The following PSD3 variants were observed in gnomAD, a reference collection of about 807,000 sequenced individuals.
PSD3 encodes the protein PH and SEC7 domain-containing protein 3.
PSD3 carries 49 observed loss-of-function variants against 105.5 expected under a neutral mutation model. The ratio of observed to expected loss-of-function variants is 0.46; its 90% CI spans 0.37 to 0.59. The LOEUF is 0.59. Among genes scored for constraint, PSD3 ranks in the 20% least tolerant of loss-of-function variants. PSD3 has a pLI of 0.00. For missense variants in PSD3, 1,561 were observed against 1,263.8 expected, an observed-to-expected ratio of 1.24 and a Z score of -3.57; for synonymous variants, 557 against 457.8, an observed-to-expected ratio of 1.22 and a Z score of -2.77.
At chr8:18,714,698 C>T (rs1036574013) in intron 9 of PSD3, among the ~76,000 whole-genome samples, 2 of 152,212 alleles carry the variant, frequency 1.3e-5, no homozygotes, top group South Asian at 4.1e-4. Context: ...TAAGTTGGTT[C>T]AACCATTGTA....
At chr8:18,673,881 C>A (rs1305253657) in intron 9 of PSD3, among the ~76,000 whole-genome samples, 2 of 152,074 alleles carry the variant, frequency 1.3e-5, no homozygotes, top group Non-Finnish European at 2.9e-5. Context: ...CTGGCTCATA[C>A]CTGTAATCCC....
chr8:18,910,019 A>G (rs1820101136), intron 2 of PSD3, among the ~76,000 whole-genome samples: 1 of 152,202 alleles, frequency 6.6e-6, no homozygotes, highest in Non-Finnish European at 1.5e-5. Flanking sequence ...CAGCAGCCTG[A>G]GACACAGAGG....
Position 18,804,880 on chromosome 8 carries a change from T to C in PSD3, c.1653A>G (p.Thr551=), listed in dbSNP as rs1472513656. 15 of 1,611,242 alleles carry C rather than the reference T, an allele frequency of 9.3e-6. No individual in the cohort carries two copies. Among genetic ancestry groups the C allele is most frequent in the Non-Finnish European group, 1.2e-5 (14 of 1,177,782 alleles). ...TTTCAGAATGAGCTTCTAGCCGTGT[T>C]GTTTTCACCCCAGCATTGCTATGAT... The part of the protein sequence containing the change: ...AFWGSNAGVK[T]TRLEAHSEMG... Residue 551 remains threonine (T), a synonymous_variant, in exon 5 of 16, where the codon ACA becomes ACG. Coordinates refer to ENST00000327040, the MANE Select transcript of PSD3 (RefSeq NM_015310.4).
chr8:18,807,118 C>A (rs899278046), intron 4 of PSD3, among the ~76,000 whole-genome samples: 1 of 152,146 alleles, frequency 6.6e-6, no homozygotes, highest in African/African-American at 2.4e-5. Flanking sequence ...TGACAAAAAC[C>A]ATTGTAGTAA....
intron 1 of PSD3, among the ~76,000 whole-genome samples, chr8:18,963,919 G>A (rs1017768540): frequency 2.0e-5 from 3 of 152,124 alleles, no homozygotes; most frequent in Non-Finnish European, 4.4e-5. Flanking sequence ...GTCTCTCTGT[G>A]AATGATGGTG....
chr8:19,038,262 C>T lies in PSD3; in HGVS notation c.324+45944G>A, dbSNP rs1233501709. 2.6e-5 allele frequency among the ~76,000 whole-genome samples: 4 copies of T among 152,172 alleles called. No individual in the cohort carries two copies. The East Asian group carries it at 5.8e-4, about 22-fold the overall frequency. ...TCAAACTTTCCAGAGCTCCTCTCAT[C>T]CCCATAATCTGTTTTATGTTCCTCT... On this transcript the variant is annotated intron_variant, in intron 1 of 1. Coordinates refer to the PSD3 transcript ENST00000521475.
intron 11 of PSD3, among the ~76,000 whole-genome samples, chr8:18,628,741 A>G (rs545667388): frequency 1.3e-5 from 2 of 152,104 alleles, no homozygotes; most frequent in Non-Finnish European, 2.9e-5. Context: ...AAGCAGTACA[A>G]TTTGAAGGTG....
intron 1 of PSD3, among the ~76,000 whole-genome samples, chr8:19,080,936 T>C (rs1829624389): frequency 6.6e-6 from 1 of 152,172 alleles, no homozygotes; most frequent in South Asian, 2.1e-4. Flanking sequence ...AAATTTAAGA[T>C]GTGGAAATGT....
At chr8:19,021,252 T>C (rs1827352612) in intron 1 of PSD3, among the ~76,000 whole-genome samples, 1 of 152,222 alleles carries the variant, frequency 6.6e-6, no homozygotes, top group Non-Finnish European at 1.5e-5. Context: ...TTCTACAGTT[T>C]TCAATCAGCA....
chr8:18,858,393 C>T lies in PSD3; in HGVS notation c.1634+9281G>A, dbSNP rs145981042. Among the ~76,000 whole-genome samples the T allele has an allele frequency of 4.2e-3, 639 of 152,290 alleles. 10 individuals carry two copies. The highest frequency in any genetic ancestry group is 0.015 in the African/African-American group (616 of 41,548). On this transcript the variant is annotated intron_variant, in intron 4 of 15. Coordinates refer to ENST00000327040, the MANE Select transcript of PSD3 (RefSeq NM_015310.4). ...GAAGGACTTGCCTCAATGTTGATGG[C>T]TGCTGACTGATCAGGGTGGTGGTTG...
chr8:18,867,940 G>A lies in PSD3; in HGVS notation c.1368C>T (p.Tyr456=). The A allele has an allele frequency of 6.2e-7, 1 of 1,614,182 alleles. No homozygotes were observed. The highest frequency in any genetic ancestry group is 8.5e-7 in the Non-Finnish European group (1 of 1,180,032). ...ATAATGTCTCCAGGGACTCTGCACT[G>A]TAGTATAAAGAAGTGTTGTCCAAAA... is the stretch of plus-strand genomic sequence containing the variant. ...ETILDNTSLY[Y]SAESLETLYS... The change falls in exon 4 of 16, where the codon TAC becomes TAT. Residue 456 remains tyrosine (Y), a synonymous_variant. Transcript: ENST00000327040.
intron 4 of PSD3, among the ~76,000 whole-genome samples, chr8:18,820,815 G>C (rs903606873): frequency 3.3e-5 from 5 of 152,116 alleles, no homozygotes; most frequent in African/African-American, 7.2e-5. Flanking sequence ...CCAGGCTGGA[G>C]TGCAGTGGCG....
intron 1 of PSD3, among the ~76,000 whole-genome samples, chr8:19,010,229 G>T (rs1257008122): frequency 6.6e-6 from 1 of 152,096 alleles, no homozygotes; most frequent in Non-Finnish European, 1.5e-5. Flanking sequence ...AGAGCGGGCG[G>T]ATCCCTCACA....
At chr8:18,958,059 G>T (rs1161529870) in intron 1 of PSD3, among the ~76,000 whole-genome samples, 1 of 152,052 alleles carries the variant, frequency 6.6e-6, no homozygotes, top group Non-Finnish European at 1.5e-5. Flanking sequence ...TACCAAAGAG[G>T]AAGGTACAAT....
intron 4 of PSD3, among the ~76,000 whole-genome samples, chr8:18,862,777 T>A (rs956322803): frequency 6.6e-6 from 1 of 151,744 alleles, no homozygotes; most frequent in Admixed American, 6.6e-5. Flanking sequence ...TTATTTCACA[T>A]GAATTCTTCC....
At chr8:18,589,417 A>G (rs1803435145) in intron 12 of PSD3, among the ~76,000 whole-genome samples, 3 of 152,152 alleles carry the variant, frequency 2.0e-5, no homozygotes. Flanking sequence ...TCTTTCTACA[A>G]AGCCTATTTT....
At chr8:19,076,014 C>G (rs1161307288) in intron 1 of PSD3, among the ~76,000 whole-genome samples, 2 of 152,014 alleles carry the variant, frequency 1.3e-5, no homozygotes, top group African/African-American at 4.8e-5. Flanking sequence ...GAACACAAGG[C>G]AACCTAATAA....
At chr8:18,684,908 TAGAA>T (rs1336860850) in intron 9 of PSD3, among the ~76,000 whole-genome samples, 1 of 152,198 alleles carries the variant, frequency 6.6e-6, no homozygotes, top group Non-Finnish European at 1.5e-5. Context: ...TGGAGATTAC[TAGAA>T]AACAAGACCA....
At chr8:18,758,623 A>T (rs1806257328) in intron 9 of PSD3, among the ~76,000 whole-genome samples, 1 of 152,040 alleles carries the variant, frequency 6.6e-6, no homozygotes, top group South Asian at 2.1e-4. Context: ...TATATTTTCT[A>T]ATTATGTTTC....
Sources: gnomAD v4.1 joint callset for allele counts (sites outside exome capture counted in the v4.1 genomes callset) on GRCh38, gnomAD v4.1.1 for gene constraint, MANE v1.5 for transcripts, NCBI Gene and HGNC (gene_info 2026-07-23, HGNC 2026-07-21) for gene names.